TACC2: variants seen among roughly 807,000 people sequenced by gnomAD.
TACC2 encodes the protein transforming acidic coiled-coil-containing protein 2.
A neutral mutation model predicts 227.3 loss-of-function variants in TACC2; 137 were observed. The ratio of observed to expected loss-of-function variants is 0.60; its 90% confidence interval spans 0.52 to 0.69. TACC2 has a LOEUF of 0.69. TACC2 is among the 30% of genes least tolerant of loss of function. The pLI is 0.00. For missense variants in TACC2, 3,470 were observed against 3,694.4 expected (o/e 0.94, Z 1.57); for synonymous variants, 1,523 against 1,487.5 (o/e 1.02, Z -0.55).
At chr10:122,163,571 C>T in intron 7 of TACC2, 5 of 997,176 alleles carry the variant, frequency 5.0e-6, no homozygotes, top group Non-Finnish European at 6.0e-6. Context: ...ATCATCGTGT[C>T]ACACACAGGA....
At chr10:122,181,350 A>G (rs1284799256) in intron 7 of TACC2, among the ~76,000 whole-genome samples, 3 of 152,200 alleles carry the variant, frequency 2.0e-5, no homozygotes, top group African/African-American at 7.2e-5. Flanking sequence ...TACTGGGAGC[A>G]TGGCCGTGCT....
chr10:122,247,411 C>A (rs1195947919), intron 19 of TACC2: 5 of 152,206 alleles, frequency 3.3e-5, no homozygotes, highest in African/African-American at 4.8e-5. Context: ...TGAGTGGGCG[C>A]TTCTCCCTTC....
chr10:122,228,850 G>A (rs1178976638), intron 14 of TACC2, among the ~76,000 whole-genome samples: 2 of 152,024 alleles, frequency 1.3e-5, no homozygotes, highest in African/African-American at 4.8e-5. Flanking sequence ...ACACGTCCAT[G>A]GTTCGCCTTC....
chr10:122,028,936 G>GCCTTC (rs1169509784), intron 2 of TACC2, among the ~76,000 whole-genome samples: 4 of 1,246 alleles, frequency 3.2e-3, no homozygotes, highest in African/African-American at 0.013. Flanking sequence ...CCCTCCCCTC[G>GCCTTC]CCTTCCCTTC....
chr10:122,244,149 G>A lies in TACC2; in HGVS notation c.8392+2148G>A, dbSNP rs114443524. 3.5e-3 allele frequency among the ~76,000 whole-genome samples: 537 copies of A among 152,228 alleles called. 4 individuals carry two copies. Among genetic ancestry groups the A allele is most frequent in the African/African-American group, 0.011 (472 of 41,544 alleles). On this transcript the variant is annotated intron_variant, in intron 19 of 22. Transcript: ENST00000369005. ...GCCTTCCTCTCATCCTGGTGCCAGG[G>A]GTTAGGGCCACACATCACCCCCCAT...
chr10:122,144,036 T>A (rs2091046981), intron 7 of TACC2, among the ~76,000 whole-genome samples: 2 of 152,188 alleles, frequency 1.3e-5, no homozygotes, highest in South Asian at 4.2e-4. Context: ...GAGAGGGATT[T>A]ATTTTAAGGG....
chr10:122,138,542 A>G (rs1320098523), intron 6 of TACC2, among the ~76,000 whole-genome samples: 4 of 152,244 alleles, frequency 2.6e-5, no homozygotes, highest in Non-Finnish European at 5.9e-5. Context: ...AGACTGAATG[A>G]TAAAGTGGAG....
intron 3 of TACC2, among the ~76,000 whole-genome samples, chr10:122,069,424 A>G (rs1297795483): frequency 1.3e-5 from 2 of 151,826 alleles, no homozygotes; most frequent in East Asian, 3.9e-4. Context: ...TATATTTTTT[A>G]GTAGAGATGG....
chr10:122,113,850 C>G (rs1195698754), intron 5 of TACC2, among the ~76,000 whole-genome samples: 1 of 152,236 alleles, frequency 6.6e-6, no homozygotes, highest in African/African-American at 2.4e-5. Flanking sequence ...GTCCTTGGCT[C>G]CCGCCGCAGA....
In TACC2 at chr10:122,086,145, T is replaced by G; in HGVS notation, c.3645T>G (p.Ala1215=). 6.2e-7 allele frequency: 1 copy of G among 1,613,628 alleles called. No homozygotes were observed. Among genetic ancestry groups the G allele is most frequent in the Non-Finnish European group, 8.5e-7 (1 of 1,179,974 alleles). Residue 1215 remains alanine, a synonymous_variant, in exon 4 of 23, where the codon GCT becomes GCG. Transcript: ENST00000369005. The stretch of plus-strand genomic sequence containing the variant: ...CCATGGATTTTTCTACACACCAGGC[T>G]GTCCCAGACCCAAAGGAGCTCCTGC... ...RSTMDFSTHQ[A]VPDPKELLLS...
At chr10:122,026,587 G>T (rs796585198) in intron 2 of TACC2, among the ~76,000 whole-genome samples, 1 of 151,966 alleles carries the variant, frequency 6.6e-6, no homozygotes, top group Non-Finnish European at 1.5e-5. Flanking sequence ...TATCATGCAG[G>T]GTAGTTTCAC....
rs1404128492 is a variant in TACC2, at chr10:122,073,150, TATAC to T, written c.147-9495_147-9492del. Among the ~76,000 whole-genome samples the T allele has an allele frequency of 4.7e-3, 449 of 96,316 alleles. 3 individuals carry two copies. The highest frequency in any genetic ancestry group is 5.3e-3 in the Non-Finnish European group (263 of 49,506). 63.2% of individuals were successfully genotyped at this position (96,316 alleles called of 152,430 possible). On this transcript the variant is annotated intron_variant, in intron 3 of 22. Transcript: ENST00000369005. ...AAATATATATATATATATATATATA[TATAC>T]ACACACACACACGCATACATGAGAT...
chr10:122,166,395 A>C (rs553819490), intron 7 of TACC2, among the ~76,000 whole-genome samples: 1 of 152,096 alleles, frequency 6.6e-6, no homozygotes, highest in African/African-American at 2.4e-5. Context: ...GCTTCATTCT[A>C]TGCAGGAGTG....
In TACC2 at chr10:122,087,071, C is replaced by A. The variant is rs746766875; in HGVS notation, c.4571C>A (p.Thr1524Lys). 2 of 1,612,898 alleles carry A rather than the reference C, an allele frequency of 1.2e-6. No homozygotes were observed. Among genetic ancestry groups the A allele is most frequent in the South Asian group, 2.2e-5 (2 of 90,992 alleles). ...AAGGAGATGGCAGGTGTCCCACCCA[C>A]ACTGAGGGAAGACGAGAGGCCAGAG... ...VGKEMAGVPPTLREDERPEGP... is the reference protein window; with the variant it reads ...VGKEMAGVPPKLREDERPEGP... The change falls in exon 4 of 23, where the codon ACA (threonine) becomes AAA (lysine). Residue 1524 changes from threonine (T) to lysine (K), a missense_variant. This residue lies in a region of TACC2 where 1,924 missense variants were observed against 1,978.3 expected (regional missense o/e 0.97). Transcript: ENST00000369005.
In TACC2 at chr10:122,195,163, C is replaced by T; in HGVS notation, c.5958C>T (p.Pro1986=). 6.2e-7 allele frequency: 1 copy of T among 1,610,534 alleles called. No individual in the cohort carries two copies. Among genetic ancestry groups the T allele is most frequent in the Non-Finnish European group, 8.5e-7 (1 of 1,177,682 alleles). The part of the protein sequence containing the change: ...IPEPEVSTQP[P]PEEPGCGSET... ...AACCCGAGGTCAGCACACAGCCACCCCCGGAAGAACCAGGTAACCAAGGGC... is the reference window on the plus strand; with the variant it reads ...AACCCGAGGTCAGCACACAGCCACCTCCGGAAGAACCAGGTAACCAAGGGC... Residue 1986 remains proline, a synonymous_variant, in exon 8 of 23, where the codon CCC becomes CCT. Coordinates refer to ENST00000369005, the MANE Select transcript of TACC2 (RefSeq NM_206862.4).
intron 6 of TACC2, among the ~76,000 whole-genome samples, chr10:122,137,114 T>C (rs1447606517): frequency 6.6e-6 from 1 of 152,114 alleles, no homozygotes; most frequent in African/African-American, 2.4e-5. Flanking sequence ...TTAATGCCAC[T>C]GGAGGGCACC....
Position 122,163,862 on chromosome 10 carries a change from C to T in TACC2, c.5834+20156C>T, listed in dbSNP as rs1029806831. ...GCCGGCTCGCCCCGGCTCCCGGCTG[C>T]AGGAATCGCGCCAGGACGCTGGCCC... On this transcript the variant is annotated intron_variant, in intron 7 of 22. Coordinates refer to ENST00000369005, the MANE Select transcript of TACC2 (RefSeq NM_206862.4). The T allele has an allele frequency of 2.6e-6, 4 of 1,518,906 alleles. No individual in the cohort carries two copies. The African/African-American group carries it at 4.2e-5, about 16-fold the overall frequency. 94.1% of individuals were successfully genotyped at this position (1,518,906 alleles called of 1,614,324 possible). A position where few individuals can be genotyped will look rare whatever the true frequency, so the allele number is the denominator to read the frequency against.
rs140447351 is a variant in TACC2 at position 122,088,040 on chromosome 10, G to T, written c.5459+81G>T. On this transcript the variant is annotated intron_variant, in intron 4 of 22. Transcript: ENST00000369005. Reference sequence around the variant, plus strand: ...CCAGCCTGATTTTTAGAAGTCAGTCGCATAGGTGAGTGGTTTTCTAAAAGC... The same window carrying T: ...CCAGCCTGATTTTTAGAAGTCAGTCTCATAGGTGAGTGGTTTTCTAAAAGC... The T allele has an allele frequency of 5.1e-5, 71 of 1,400,506 alleles. No individual in the cohort carries two copies. The African/African-American group carries it at 9.8e-4, about 19-fold the overall frequency. The allele number at this position is 1,400,506 out of a possible 1,614,324, so 86.8% of individuals were successfully genotyped here. A position where few individuals can be genotyped will look rare whatever the true frequency, so the allele number is the denominator to read the frequency against.
In TACC2 at chr10:122,004,019, G is replaced by A. The variant is rs923484698; in HGVS notation, c.-46+14531G>A. ...GCGGTGGCTTACGCCTGTAATCCTAGCACTTTGGGAGGCCGAGGCAGGCAG... is the reference window on the plus strand; with the variant it reads ...GCGGTGGCTTACGCCTGTAATCCTAACACTTTGGGAGGCCGAGGCAGGCAG... On this transcript the variant is annotated intron_variant, in intron 1 of 22. Coordinates refer to ENST00000369005, the MANE Select transcript of TACC2 (RefSeq NM_206862.4). Among the ~76,000 whole-genome samples the A allele has an allele frequency of 3.9e-5, 6 of 152,136 alleles. No individual in the cohort carries two copies. In the East Asian group the frequency reaches 7.8e-4, roughly 20 times the overall value.
Sources: gnomAD v4.1 joint callset for allele counts (sites outside exome capture counted in the v4.1 genomes callset) on GRCh38, gnomAD v4.1.1 for gene constraint, gnomAD v4.1.1 regional missense constraint, MANE v1.5 for transcripts, NCBI Gene and HGNC (gene_info 2026-07-23, HGNC 2026-07-21) for gene names.